Variants in KPNA1 observed in about 807,000 individuals in gnomAD.
The protein encoded by KPNA1 is importin subunit alpha-5.
Under a neutral mutation model 70.5 loss-of-function variants are expected in KPNA1, and 10 were observed. The ratio of observed to expected loss-of-function variants is 0.14; its 90% CI spans 0.09 to 0.24. The LOEUF (loss-of-function observed/expected upper bound fraction) is 0.24. Ranked by LOEUF, KPNA1 falls within the 10% of genes least tolerant of loss-of-function variation. KPNA1 has a pLI of 1.00. For synonymous variants in KPNA1, 192 were observed against 221.9 expected (o/e 0.87, Z 1.20); for missense variants, 397 against 637.9 (o/e 0.62, Z 4.07).
chr3:122,465,959 C>A (rs2076375746), intron 3 of KPNA1, among the ~76,000 whole-genome samples: 1 of 152,228 alleles, frequency 6.6e-6, no homozygotes, highest in Admixed American at 6.5e-5. Flanking sequence ...AACTAAATTT[C>A]TTTCTCTCAT....
intron 1 of KPNA1, among the ~76,000 whole-genome samples, chr3:122,500,802 G>A (rs943693672): frequency 6.6e-6 from 1 of 151,866 alleles, no homozygotes; most frequent in Non-Finnish European, 1.5e-5. Context: ...CTGTGCCCAG[G>A]AAATCTGAAA....
chr3:122,453,796 T>A, intron 6 of KPNA1, 74 bp downstream of exon 6: 1 of 1,434,930 alleles, frequency 7.0e-7, no homozygotes, highest in Admixed American at 2.3e-5. Context: ...TCCCAAAATG[T>A]TGGGATTACA....
intron 2 of KPNA1, among the ~76,000 whole-genome samples, chr3:122,481,608 G>A (rs1035897441): frequency 2.0e-5 from 3 of 152,188 alleles, no homozygotes; most frequent in Admixed American, 2.0e-4. Context: ...TTGTGGTGAA[G>A]TACTGGAACT....
chr3:122,438,249 AC>A (rs1423961288), intron 10 of KPNA1, among the ~76,000 whole-genome samples: 1 of 152,080 alleles, frequency 6.6e-6, no homozygotes, highest in Non-Finnish European at 1.5e-5. Context: ...CTTTCTCTTC[AC>A]CTTCCACCAT....
intron 1 of KPNA1, among the ~76,000 whole-genome samples, chr3:122,510,875 G>A (rs2076947670): frequency 6.6e-6 from 1 of 152,058 alleles, no homozygotes; most frequent in South Asian, 2.1e-4. Context: ...GATAAAACAA[G>A]GAACTTGAAC....
In KPNA1 at chr3:122,459,339, C is replaced by T. The variant is rs151220136; in HGVS notation, c.432+1885G>A. The T allele has an allele frequency of 8.9e-5, 72 of 812,034 alleles. No individual in the cohort carries two copies. The African/African-American group carries it at 1.2e-3, about 14-fold the overall frequency. 50.3% of individuals were successfully genotyped at this position (812,034 alleles called of 1,614,324 possible). On this transcript the variant is annotated intron_variant, in intron 5 of 13. Coordinates refer to ENST00000344337, the MANE Select transcript of KPNA1 (RefSeq NM_002264.4). Reference sequence around the variant, plus strand: ...AAAAGAACTACCACCTAATAAAAACCGCCAGATCAAGGAGTAAATTCAGTA... The same window carrying T: ...AAAAGAACTACCACCTAATAAAAACTGCCAGATCAAGGAGTAAATTCAGTA...
intron 2 of KPNA1, among the ~76,000 whole-genome samples, chr3:122,470,555 T>A (rs1426590260): frequency 6.6e-6 from 1 of 151,014 alleles, no homozygotes; most frequent in South Asian, 2.1e-4. Context: ...TAAATAAAAA[T>A]TTTTAAAAAA....
At chr3:122,464,888 A>C (rs1390909321) in intron 3 of KPNA1, among the ~76,000 whole-genome samples, 1 of 152,194 alleles carries the variant, frequency 6.6e-6, no homozygotes, top group African/African-American at 2.4e-5. Context: ...ATACCTAAGA[A>C]TCCTCATAGG....
At chr3:122,438,362 A>G (rs1277298637) in intron 10 of KPNA1, among the ~76,000 whole-genome samples, 1 of 151,270 alleles carries the variant, frequency 6.6e-6, no homozygotes, top group Admixed American at 6.6e-5. Context: ...TTCTTTATAA[A>G]CTACTCAGTC....
chr3:122,437,100 G>C, intron 11 of KPNA1, 70 bp downstream of exon 11: 1 of 1,517,226 alleles, frequency 6.6e-7, no homozygotes, highest in Middle Eastern at 1.7e-4. Context: ...GTGTTTTAAA[G>C]GGTGACTGAG....
chr3:122,480,539 T>TA (rs1389251068), intron 2 of KPNA1, among the ~76,000 whole-genome samples: 1 of 151,784 alleles, frequency 6.6e-6, no homozygotes, highest in East Asian at 1.9e-4. Flanking sequence ...ACCAGTCCTA[T>TA]AAGAAAATGT....
In KPNA1 at chr3:122,480,375, G is replaced by C. The variant is rs185855931; in HGVS notation, c.130-12946C>G. 5.3e-5 allele frequency among the ~76,000 whole-genome samples: 8 copies of C among 152,108 alleles called. No individual in the cohort carries two copies. In the East Asian group the frequency reaches 1.5e-3, roughly 29 times the overall value. ...AATGCCGGAGGCTATGCATGTGTGGGGGCAGAGAGCATATAAGAAATCTCT... is the reference window on the plus strand; with the variant it reads ...AATGCCGGAGGCTATGCATGTGTGGCGGCAGAGAGCATATAAGAAATCTCT... On this transcript the variant is annotated intron_variant, in intron 2 of 13. Transcript: ENST00000344337.
At chr3:122,498,652 T>G (rs2107500722) in intron 1 of KPNA1, among the ~76,000 whole-genome samples, 1 of 152,358 alleles carries the variant, frequency 6.6e-6, no homozygotes, top group African/African-American at 2.4e-5. Context: ...TGGTTACCAT[T>G]GCTTCAAAAT....
At chr3:122,463,911 A>T (rs1485524080) in intron 4 of KPNA1, 31 bp downstream of exon 4, 2 of 1,263,882 alleles carry the variant, frequency 1.6e-6, no homozygotes, top group Non-Finnish European at 2.3e-6. Flanking sequence ...TAGAGAGATG[A>T]AAAAATATAC....
Position 122,433,763 on chromosome 3 carries a change from G to A in KPNA1, c.1148C>T (p.Pro383Leu). The A allele has an allele frequency of 6.2e-7, 1 of 1,609,080 alleles. No individual in the cohort carries two copies. The highest frequency in any genetic ancestry group is 8.5e-7 in the Non-Finnish European group (1 of 1,178,038). Residue 383 changes from proline (P) to leucine (L), a missense_variant, in exon 12 of 14, where the codon CCA (proline) becomes CTA (leucine). Transcript: ENST00000344337. ...AGTTTGTAAAATACTAATGAGGGCTGGGAAAATGTTGGCATCTATCACAGT... is the reference window on the plus strand; with the variant it reads ...AGTTTGTAAAATACTAATGAGGGCTAGGAAAATGTTGGCATCTATCACAGT... Reference protein sequence around the residue: ...IQTVIDANIFPALISILQTAE... With the variant: ...IQTVIDANIFLALISILQTAE...
intron 4 of KPNA1, among the ~76,000 whole-genome samples, chr3:122,462,564 C>G (rs1184951380): frequency 3.4e-5 from 5 of 148,766 alleles, no homozygotes; most frequent in Non-Finnish European, 5.9e-5. Flanking sequence ...AGGAAGGTAG[C>G]AGAATGGTGA....
chr3:122,479,891 C>T (rs1211436193), intron 2 of KPNA1, among the ~76,000 whole-genome samples: 2 of 152,154 alleles, frequency 1.3e-5, no homozygotes, highest in Admixed American at 1.3e-4. Context: ...TTATCCATAA[C>T]TGTCAAAACT....
In KPNA1 at chr3:122,437,162, G is replaced by A. The variant is rs1485878111; in HGVS notation, c.1122+8C>T. The A allele has an allele frequency of 3.7e-6, 6 of 1,609,676 alleles. No homozygotes were observed. The South Asian group carries it at 4.5e-5, about 12-fold the overall frequency. ...TACTGAAAGAGAAGTTAGGTCCTAT[G>A]AGGTTACCTGGATCTGTGCCCTATT... On this transcript the variant is annotated splice_region_variant and intron_variant, in intron 11 of 13. Transcript: ENST00000344337.
intron 2 of KPNA1, among the ~76,000 whole-genome samples, chr3:122,471,836 A>G (rs1280518965): frequency 4.6e-5 from 7 of 152,260 alleles, no homozygotes. Context: ...CAGACACAGC[A>G]GATAAGACAA....
Sources: gnomAD v4.1 joint callset for allele counts (sites outside exome capture counted in the v4.1 genomes callset) on GRCh38, gnomAD v4.1.1 for gene constraint, MANE v1.5 for transcripts, NCBI Gene and HGNC (gene_info 2026-07-23, HGNC 2026-07-21) for gene names.